The following FRAS1 variants were observed in gnomAD, a reference collection of about 807,000 sequenced individuals.
FRAS1 encodes Fraser extracellular matrix complex subunit 1, also known as extracellular matrix organizing protein FRAS1.
A neutral mutation model predicts 435.2 loss-of-function variants in FRAS1; 290 were observed. The ratio of observed to expected loss-of-function variants is 0.67; its 90% CI spans 0.61 to 0.73. The LOEUF (loss-of-function observed/expected upper bound fraction) is 0.73. Ranked by LOEUF, FRAS1 falls within the 30% of genes least tolerant of loss-of-function variation. The pLI, the probability that FRAS1 is intolerant of heterozygous loss-of-function variation, is 0.00. For missense variants in FRAS1, 4,860 were observed against 5,001.5 expected (o/e 0.97, Z 0.85); for synonymous variants, 1,800 against 1,851.0 (o/e 0.97, Z 0.71).
intron 4 of FRAS1, among the ~76,000 whole-genome samples, chr4:78,246,166 T>C (rs545924650): frequency 6.6e-6 from 1 of 152,364 alleles, no homozygotes; most frequent in East Asian, 1.9e-4. Context: ...TTCATTGATA[T>C]GTAAATGTTA....
Position 78,521,535 on chromosome 4 carries a change from A to G in FRAS1, c.10553A>G (p.Asp3518Gly). ...TVLWRTGIQT[D>G]SVLSARLQII... ...CTTTCCTGCCCAGGAATCCAGACAGACAGCGTGCTCTCTGCAAGGCTTCAG... is the reference window on the plus strand; with the variant it reads ...CTTTCCTGCCCAGGAATCCAGACAGGCAGCGTGCTCTCTGCAAGGCTTCAG... Residue 3518 changes from aspartate to glycine, a missense_variant, in exon 68 of 74, where the codon GAC (aspartate) becomes GGC (glycine). Physicochemically the swap from Asp to Gly is moderately conservative, Grantham distance 94. Coordinates refer to ENST00000512123, the MANE Select transcript of FRAS1 (RefSeq NM_025074.7). 1 of 1,609,020 alleles carries G rather than the reference A, an allele frequency of 6.2e-7. No homozygotes were observed. Among genetic ancestry groups the G allele is most frequent in the Non-Finnish European group, 8.5e-7 (1 of 1,177,892 alleles).
chr4:78,197,046 A>T (rs751720887), intron 2 of FRAS1, among the ~76,000 whole-genome samples: 6 of 152,256 alleles, frequency 3.9e-5, no homozygotes, highest in Non-Finnish European at 7.3e-5. Flanking sequence ...ATGTGCTGGA[A>T]GCTTGAGATG....
rs759285467 is a variant in FRAS1 at position 78,387,352 on chromosome 4, T to G, written c.3649-23T>G. 2.8e-5 allele frequency: 44 copies of G among 1,559,820 alleles called. No individual in the cohort carries two copies. The Admixed American group carries it at 6.5e-4, about 23-fold the overall frequency. Reference sequence around the variant, plus strand: ...GTCCTTTCTTTCCCTCTTAACTGACTCTTCTTCCCTTCAACTCCACAGGCC... The same window carrying G: ...GTCCTTTCTTTCCCTCTTAACTGACGCTTCTTCCCTTCAACTCCACAGGCC... On this transcript the variant is annotated intron_variant, in intron 28 of 73. Coordinates refer to ENST00000512123, the MANE Select transcript of FRAS1 (RefSeq NM_025074.7).
chr4:78,119,625 A>G (rs992322546), intron 2 of FRAS1, among the ~76,000 whole-genome samples: 6 of 152,156 alleles, frequency 3.9e-5, no homozygotes, highest in Non-Finnish European at 7.4e-5. Context: ...TAGCTTGGCT[A>G]TTGTGAATAG....
At chr4:78,429,548 C>T (rs755430605) in intron 36 of FRAS1, among the ~76,000 whole-genome samples, 26 of 152,074 alleles carry the variant, frequency 1.7e-4, no homozygotes, top group Non-Finnish European at 3.2e-4. Context: ...ATTTCAATGG[C>T]GGCTCTTGTT....
At chr4:78,128,341 A>G (rs1719489056) in intron 2 of FRAS1, among the ~76,000 whole-genome samples, 1 of 152,188 alleles carries the variant, frequency 6.6e-6, no homozygotes, top group African/African-American at 2.4e-5. Flanking sequence ...GACTTCCACA[A>G]TGGTTGAACT....
intron 15 of FRAS1, among the ~76,000 whole-genome samples, chr4:78,309,152 A>G (rs774529737): frequency 6.6e-6 from 1 of 152,182 alleles, no homozygotes; most frequent in African/African-American, 2.4e-5. Flanking sequence ...CATGCAGGTG[A>G]CTTTTAGAAT....
intron 2 of FRAS1, among the ~76,000 whole-genome samples, chr4:78,113,947 T>A (rs1302918852): frequency 1.3e-5 from 2 of 152,178 alleles, no homozygotes; most frequent in East Asian, 3.8e-4. Context: ...TCTTCTAGGG[T>A]TTTTATGGTT....
intron 2 of FRAS1, among the ~76,000 whole-genome samples, chr4:78,198,144 C>T (rs372861891): frequency 6.6e-6 from 1 of 152,296 alleles, no homozygotes; most frequent in South Asian, 2.1e-4. Context: ...CCTCTTTTCA[C>T]TTTCAATCTC....
intron 68 of FRAS1, among the ~76,000 whole-genome samples, chr4:78,522,223 C>G (rs1542823): frequency 0.55 from 83,114 of 151,960 alleles, 22,903 homozygotes; most frequent in Middle Eastern, 0.61. Context: ...CCAAGGACTT[C>G]AATGGCCCTA....
intron 2 of FRAS1, among the ~76,000 whole-genome samples, chr4:78,195,002 C>G (rs1453162021): frequency 6.6e-6 from 1 of 152,170 alleles, no homozygotes. Flanking sequence ...TCAGGTCCCT[C>G]AGCTGCAGGT....
intron 47 of FRAS1, among the ~76,000 whole-genome samples, chr4:78,455,487 C>G (rs1377393610): frequency 6.6e-6 from 1 of 152,022 alleles, no homozygotes; most frequent in African/African-American, 2.4e-5. Flanking sequence ...TAGTACAGAG[C>G]ACCAAGATAT....
Position 78,470,076 on chromosome 4 carries a change from A to G in FRAS1, c.7356A>G (p.Glu2452=). ...IVTNLGLQWL[E]YMDGKATNLI... ...CCAACCTGGGACTCCAGTGGCTGGA[A>G]TACATGGATGGCAAGGTAAGGCCTG... The change falls in exon 51 of 74, where the codon GAA becomes GAG. Residue 2452 remains glutamate (E), a synonymous_variant. Transcript: ENST00000512123. 1 of 1,612,418 alleles carries G rather than the reference A, an allele frequency of 6.2e-7. No homozygotes were observed. Among genetic ancestry groups the G allele is most frequent in the South Asian group, 1.1e-5 (1 of 90,830 alleles).
At chr4:78,418,862 A>ATTT in intron 32 of FRAS1, 87 bp from the exon 33 acceptor site, 2 of 715,424 alleles carry the variant, frequency 2.8e-6, no homozygotes, top group Non-Finnish European at 4.7e-6. Context: ...GCCCAGAGCA[A>ATTT]TTTTTTTTTC....
chr4:78,138,312 C>T (rs1005224506), intron 2 of FRAS1, among the ~76,000 whole-genome samples: 8 of 152,118 alleles, frequency 5.3e-5, no homozygotes, highest in Non-Finnish European at 1.2e-4. Flanking sequence ...GTAAGGAAGG[C>T]CATAGAAGCA....
chr4:78,267,439 A>G lies in FRAS1; in HGVS notation c.981+7A>G, dbSNP rs778030157. 2.5e-6 allele frequency: 4 copies of G among 1,612,150 alleles called. No individual in the cohort carries two copies. In the East Asian group the frequency reaches 6.7e-5, roughly 27 times the overall value. On this transcript the variant is annotated splice_region_variant and intron_variant, in intron 9 of 73. Coordinates refer to ENST00000512123, the MANE Select transcript of FRAS1 (RefSeq NM_025074.7). The stretch of plus-strand genomic sequence containing the variant: ...CAAAGTGGAGTGTGCCCGGGTAAGA[A>G]GCAGGGGCATTTCCATTTGGAACGT...
intron 70 of FRAS1, among the ~76,000 whole-genome samples, chr4:78,530,972 G>A (rs1330415655): frequency 7.5e-6 from 1 of 133,204 alleles, no homozygotes; most frequent in East Asian, 2.4e-4. Flanking sequence ...CTATCCGTGA[G>A]CATGGAATGT....
At chr4:78,302,711 T>A (rs1352034257) in intron 14 of FRAS1, among the ~76,000 whole-genome samples, 1 of 152,198 alleles carries the variant, frequency 6.6e-6, no homozygotes, top group Non-Finnish European at 1.5e-5. Flanking sequence ...TGTTTGTTTT[T>A]TTTTCTTGTA....
chr4:78,211,402 A>G (rs1723495236), intron 2 of FRAS1, among the ~76,000 whole-genome samples: 1 of 152,262 alleles, frequency 6.6e-6, no homozygotes, highest in South Asian at 2.1e-4. Flanking sequence ...GCAGGGAGGC[A>G]GGAGGCTGAT....
Sources: gnomAD v4.1 joint callset for allele counts (sites outside exome capture counted in the v4.1 genomes callset) on GRCh38, gnomAD v4.1.1 for gene constraint, MANE v1.5 for transcripts, NCBI Gene and HGNC (gene_info 2026-07-23, HGNC 2026-07-21) for gene names.